Variants in DOCK2 observed in about 807,000 individuals in gnomAD.
DOCK2 encodes the protein dedicator of cytokinesis 2.
DOCK2 carries 87 observed loss-of-function variants against 248.9 expected under a neutral mutation model. That is an observed-to-expected ratio of 0.35 (90% confidence interval 0.29 to 0.42). The LOEUF (loss-of-function observed/expected upper bound fraction) is 0.42, where lower values mean the gene tolerates loss of function less well. Ranked by LOEUF, DOCK2 falls within the 10% of genes least tolerant of loss-of-function variation. DOCK2 has a pLI of 1.00. For synonymous variants in DOCK2, 805 were observed against 821.6 expected, an observed-to-expected ratio of 0.98 and a Z score of 0.35; for missense variants, 1,747 against 2,300.2, an observed-to-expected ratio of 0.76 and a Z score of 4.92.
chr5:169,968,682 T>G (rs1404076289), intron 27 of DOCK2, among the ~76,000 whole-genome samples: 4 of 152,214 alleles, frequency 2.6e-5, no homozygotes, highest in African/African-American at 7.2e-5. Context: ...TTTTCAATTT[T>G]ATCACAATTT....
At chr5:169,851,238 T>G (rs1330694536) in intron 27 of DOCK2, among the ~76,000 whole-genome samples, 1 of 152,246 alleles carries the variant, frequency 6.6e-6, no homozygotes, top group Non-Finnish European at 1.5e-5. Context: ...AAGTTTTGTT[T>G]CATGCCAATC....
At chr5:169,878,764 T>C (rs148111491) in intron 27 of DOCK2, among the ~76,000 whole-genome samples, 107 of 152,318 alleles carry the variant, frequency 7.0e-4, no homozygotes, top group African/African-American at 2.5e-3. Flanking sequence ...TAAGGAGAAG[T>C]GAAGGGAGTG....
chr5:169,941,884 G>A (rs113762478), intron 27 of DOCK2, among the ~76,000 whole-genome samples: 4 of 152,268 alleles, frequency 2.6e-5, no homozygotes, highest in African/African-American at 4.8e-5. Flanking sequence ...GCAGGGTCAC[G>A]CTGCATCAGG....
intron 27 of DOCK2, among the ~76,000 whole-genome samples, chr5:169,869,518 G>A (rs1377901684): frequency 6.6e-6 from 1 of 152,202 alleles, no homozygotes; most frequent in African/African-American, 2.4e-5. Flanking sequence ...ACTACAGTTT[G>A]GAAGGGAGGA....
At chr5:169,835,326 C>T (rs1462203141) in intron 26 of DOCK2, among the ~76,000 whole-genome samples, 12 of 147,982 alleles carry the variant, frequency 8.1e-5, no homozygotes, top group Non-Finnish European at 1.2e-4. Context: ...GCAATCTCGA[C>T]TCACTGCAAC....
chr5:169,954,065 ACT>A (rs1412645096), intron 27 of DOCK2, among the ~76,000 whole-genome samples: 4 of 152,070 alleles, frequency 2.6e-5, no homozygotes, highest in Non-Finnish European at 5.9e-5. Flanking sequence ...GACCCTGAAC[ACT>A]CTTCCTTTTG....
At chr5:170,019,652 G>A (rs1238109862) in intron 33 of DOCK2, among the ~76,000 whole-genome samples, 2 of 152,162 alleles carry the variant, frequency 1.3e-5, no homozygotes, top group Admixed American at 6.5e-5. Flanking sequence ...TGTGAAACAC[G>A]AGAGCCATTG....
chr5:169,777,657 T>C (rs1765460364), intron 25 of DOCK2, among the ~76,000 whole-genome samples: 1 of 152,154 alleles, frequency 6.6e-6, no homozygotes, highest in South Asian at 2.1e-4. Flanking sequence ...ATACTTCACC[T>C]CTGTAAGCAT....
In DOCK2 at chr5:169,654,517, G is replaced by T. The variant is rs925645273; in HGVS notation, c.127+31G>T. The T allele has an allele frequency of 4.3e-6, 7 of 1,612,156 alleles. No individual in the cohort carries two copies. In the African/African-American group the frequency reaches 6.7e-5, roughly 15 times the overall value. Reference sequence around the variant, plus strand: ...TCACTGGCCCACGCCCCAAGTGCTGGACCCTTGGCTGATGGAAGCCTATAG... The same window carrying T: ...TCACTGGCCCACGCCCCAAGTGCTGTACCCTTGGCTGATGGAAGCCTATAG... On this transcript the variant is annotated intron_variant, in intron 2 of 51. Transcript: ENST00000520908.
intron 27 of DOCK2, among the ~76,000 whole-genome samples, chr5:169,915,991 C>G (rs985094333): frequency 1.3e-5 from 2 of 152,108 alleles, no homozygotes; most frequent in African/African-American, 2.4e-5. Flanking sequence ...CACACTAGAC[C>G]AGAAATATTA....
At position 169,674,595 on chromosome 5, in the gene DOCK2, C is replaced by A. The variant is rs2244445; in HGVS notation, c.470+150C>A. The A allele has an allele frequency of 2.8e-5, 33 of 1,186,896 alleles. No individual in the cohort carries two copies. In the East Asian group the frequency reaches 6.8e-4, roughly 24 times the overall value. The allele number at this position is 1,186,896 out of a possible 1,614,324, so 73.5% of individuals were successfully genotyped here. On this transcript the variant is annotated intron_variant, in intron 6 of 51. Transcript: ENST00000520908. ...GTGACCAATGGCTGTGCTTGCGTGC[C>A]GTTGTTACCACCCCTGGGGGACCTA... is the stretch of plus-strand genomic sequence containing the variant.
intron 25 of DOCK2, among the ~76,000 whole-genome samples, chr5:169,762,427 C>T (rs992556904): frequency 6.6e-6 from 1 of 152,128 alleles, no homozygotes; most frequent in Non-Finnish European, 1.5e-5. Context: ...AGAGCTTCTG[C>T]TTACCCTAAA....
chr5:169,992,864 C>A (rs914911718), intron 29 of DOCK2, among the ~76,000 whole-genome samples: 1 of 152,116 alleles, frequency 6.6e-6, no homozygotes, highest in Non-Finnish European at 1.5e-5. Flanking sequence ...ATTCTGATTT[C>A]CAGTGTGTGG....
intron 10 of DOCK2, among the ~76,000 whole-genome samples, chr5:169,696,949 GA>G (rs1216694580): frequency 6.6e-6 from 1 of 151,800 alleles, no homozygotes; most frequent in African/African-American, 2.4e-5. Flanking sequence ...GTTAATTCAT[GA>G]AATCCTCTAC....
At chr5:169,675,965 G>A (rs1161973994) in intron 6 of DOCK2, among the ~76,000 whole-genome samples, 1 of 152,002 alleles carries the variant, frequency 6.6e-6, no homozygotes, top group Non-Finnish European at 1.5e-5. Context: ...TGACAGGAAG[G>A]GTTTGCCCCG....
At chr5:169,766,775 TA>T (rs1764820299) in intron 25 of DOCK2, among the ~76,000 whole-genome samples, 2 of 152,200 alleles carry the variant, frequency 1.3e-5, no homozygotes, top group African/African-American at 2.4e-5. Context: ...TTTATTTATT[TA>T]TTTTTTTTGA....
chr5:170,026,688 G>A (rs544306635), intron 33 of DOCK2, among the ~76,000 whole-genome samples: 208 of 152,312 alleles, frequency 1.4e-3, no homozygotes, highest in African/African-American at 4.6e-3. Flanking sequence ...AAAACAATGC[G>A]TTGAATAAGC....
intron 20 of DOCK2, among the ~76,000 whole-genome samples, chr5:169,716,669 CCTT>C (rs1286832387): frequency 7.9e-5 from 12 of 152,180 alleles, no homozygotes. Context: ...TTTCCTTTCA[CCTT>C]CTTCTCCCCA....
intron 41 of DOCK2, among the ~76,000 whole-genome samples, chr5:170,051,552 C>G (rs1384667732): frequency 6.6e-6 from 1 of 152,166 alleles, no homozygotes; most frequent in Non-Finnish European, 1.5e-5. Flanking sequence ...TCTAATGTGG[C>G]CTTCTCTGAA....
Sources: gnomAD v4.1 joint callset for allele counts (sites outside exome capture counted in the v4.1 genomes callset) on GRCh38, gnomAD v4.1.1 for gene constraint, MANE v1.5 for transcripts, NCBI Gene and HGNC (gene_info 2026-07-23, HGNC 2026-07-21) for gene names.